Variants in STAT2 observed in about 807,000 individuals in gnomAD.
STAT2 encodes signal transducer and activator of transcription 2.
STAT2 carries 51 observed loss-of-function variants against 122.3 expected under a neutral mutation model. The ratio of observed to expected loss-of-function variants is 0.42; its 90% CI spans 0.33 to 0.53. The LOEUF (loss-of-function observed/expected upper bound fraction) is 0.53. Among genes scored for constraint, STAT2 ranks in the 20% least tolerant of loss-of-function variants. The probability of loss-of-function intolerance (pLI) is 0.10; values close to 1 mark genes in which losing one functional copy is unlikely to be tolerated. For missense variants in STAT2, 736 were observed against 1,010.3 expected (o/e 0.73, Z 3.68); for synonymous variants, 351 against 394.9 (o/e 0.89, Z 1.32).
chr12:56,350,903 G>C lies in STAT2; in HGVS notation c.1035-15C>G, dbSNP rs374901544. ...TCACCAGCAGCCTGGGGGAAGGAAG[G>C]GGGATAGGGGAAAGTGGTCAACCTC... On this transcript the variant is annotated splice_polypyrimidine_tract_variant and intron_variant, in intron 10 of 23. Transcript: ENST00000314128. 1.2e-5 allele frequency: 19 copies of C among 1,613,972 alleles called. No homozygotes were observed. The highest frequency in any genetic ancestry group is 1.7e-5 in the Admixed American group (1 of 60,000).
At chr12:56,345,177 A>G (rs1289203438) in intron 22 of STAT2, among the ~76,000 whole-genome samples, 2 of 147,248 alleles carry the variant, frequency 1.4e-5, no homozygotes, top group Admixed American at 6.8e-5. Context: ...TGTCTCAAAA[A>G]AAAAAAAAAA....
intron 12 of STAT2, 107 bp downstream of exon 12, chr12:56,350,305 A>C: frequency 6.9e-7 from 1 of 1,449,840 alleles, no homozygotes; most frequent in South Asian, 1.2e-5. Context: ...CCCTTTGTCC[A>C]TATCCCAAAT....
chr12:56,347,235 C>T (rs1343999219), intron 19 of STAT2, among the ~76,000 whole-genome samples: 1 of 151,888 alleles, frequency 6.6e-6, no homozygotes, highest in Admixed American at 6.6e-5. Flanking sequence ...GTCACCCAGG[C>T]TGGAGAATAG....
intron 19 of STAT2, 115 bp downstream of exon 19, chr12:56,348,414 C>A: frequency 2.0e-6 from 2 of 1,023,250 alleles, no homozygotes; most frequent in South Asian, 1.4e-5. Flanking sequence ...TGTGAGGAGA[C>A]GTGGCCTGCA....
intron 8 of STAT2, among the ~76,000 whole-genome samples, chr12:56,353,171 A>T (rs925201028): frequency 6.6e-6 from 1 of 152,132 alleles, no homozygotes; most frequent in Non-Finnish European, 1.5e-5. Context: ...TTTAGTAGAG[A>T]TGGGGTTTCA....
intron 22 of STAT2, among the ~76,000 whole-genome samples, chr12:56,345,539 G>GCA (rs1877313185): frequency 1.4e-5 from 1 of 70,856 alleles, no homozygotes; most frequent in East Asian, 5.4e-4. Context: ...ATATATATGC[G>GCA]GGGTGTGGTG....
At chr12:56,349,348 A>G in intron 15 of STAT2, 78 bp downstream of exon 15, 1 of 1,614,050 alleles carries the variant, frequency 6.2e-7, no homozygotes, top group African/African-American at 1.3e-5. Flanking sequence ...AACCCACCCC[A>G]AGAGGCTTCT....
intron 1 of STAT2, 28 bp downstream of exon 1, chr12:56,360,030 C>A (rs1161705706): frequency 1.0e-6 from 1 of 984,942 alleles, no homozygotes; most frequent in Non-Finnish European, 1.2e-6. Flanking sequence ...CCCACCCCTA[C>A]CCCAGCACAC....
intron 22 of STAT2, among the ~76,000 whole-genome samples, chr12:56,345,524 A>AAAAATAT (rs1555169410): frequency 1.5e-4 from 4 of 26,250 alleles, no homozygotes; most frequent in Admixed American, 5.4e-4. Context: ...AAAAAAAAAA[A>AAAAATAT]ATATATATAT....
At chr12:56,354,016 A>AAAAAAAAAATATATATATATATAT (rs71081350) in intron 8 of STAT2, among the ~76,000 whole-genome samples, 1 of 16,698 alleles carries the variant, frequency 6.0e-5, no homozygotes, top group African/African-American at 1.1e-4. Context: ...AAAAAAAAAA[A>AAAAAAAAAATATATATATATATAT]ATATATATAT....
intron 14 of STAT2, 21 bp from the exon 15 acceptor site, chr12:56,349,530 G>C (rs1011913444): frequency 6.2e-7 from 1 of 1,614,166 alleles, no homozygotes. Flanking sequence ...CAAAGACATA[G>C]TCATCAGAAG....
At chr12:56,350,301 G>C in intron 12 of STAT2, 111 bp from the exon 13 acceptor site, 1 of 1,438,110 alleles carries the variant, frequency 7.0e-7, no homozygotes, top group Non-Finnish European at 9.6e-7. Flanking sequence ...ATCTCCCTTT[G>C]TCCATATCCC....
intron 8 of STAT2, 108 bp from the exon 9 acceptor site, chr12:56,351,558 G>A (rs1421025108): frequency 5.0e-6 from 6 of 1,194,826 alleles, no homozygotes; most frequent in African/African-American, 1.5e-5. Context: ...CTGACTGGGG[G>A]GAAGAAAAAA....
rs374561860 is a variant in STAT2, at chr12:56,351,304, C to T, written c.929G>A (p.Arg310His). 22 of 1,613,888 alleles carry T rather than the reference C, an allele frequency of 1.4e-5. No homozygotes were observed. The highest frequency in any genetic ancestry group is 2.7e-5 in the African/African-American group (2 of 74,920). ...RNAQVTELLQ[R>H]LLHRAFVVET... The stretch of plus-strand genomic sequence containing the variant: ...CTGGCCTCTAGACCTGTGGAGCAGA[C>T]GCTGTAGCAACTCTGTGACCTGGGC... The change falls in exon 9 of 24, where the codon CGT (arginine) becomes CAT (histidine). Residue 310 changes from arginine to histidine, a missense_variant. By Grantham distance (29) the Arg-to-His change is conservative (BLOSUM62 0). Coordinates refer to ENST00000314128, the MANE Select transcript of STAT2 (RefSeq NM_005419.4).
chr12:56,346,590 C>T lies in STAT2; in HGVS notation c.1896G>A (p.Thr632=), dbSNP rs749900999. 25 of 1,614,062 alleles carry T rather than the reference C, an allele frequency of 1.5e-5. No homozygotes were observed. In the Admixed American group the frequency reaches 2.0e-4, roughly 13 times the overall value. Reference sequence around the variant, plus strand: ...GCGGGAGTGACTGCAGCACCTCCTTCGTGTACGGTTGCACAGAGTAGATGA... The same window carrying T: ...GCGGGAGTGACTGCAGCACCTCCTTTGTGTACGGTTGCACAGAGTAGATGA... The part of the protein sequence containing the change: ...KVLIYSVQPY[T]KEVLQSLPLT... Residue 632 remains threonine (T), a synonymous_variant, in exon 21 of 24, where the codon ACG becomes ACA. Coordinates refer to ENST00000314128, the MANE Select transcript of STAT2 (RefSeq NM_005419.4).
At chr12:56,356,736 C>G (rs1289375425) in intron 1 of STAT2, among the ~76,000 whole-genome samples, 158 bp from the exon 2 acceptor site, 1 of 152,172 alleles carries the variant, frequency 6.6e-6, no homozygotes, top group African/African-American at 2.4e-5. Context: ...TACTGCTAAT[C>G]TTGGTTCTTT....
chr12:56,349,280 TCA>T lies in STAT2; in HGVS notation c.1342-21_1342-20del. On this transcript the variant is annotated intron_variant, in intron 15 of 23. Coordinates refer to ENST00000314128, the MANE Select transcript of STAT2 (RefSeq NM_005419.4). ...TGTCCGTCTGGGGAGAAGACAGGAG[TCA>T]CAGAGAGGGATGTGATGTTTCTAGC... is the stretch of plus-strand genomic sequence containing the variant. 6.2e-7 allele frequency: 1 copy of T among 1,613,618 alleles called. No individual in the cohort carries two copies. The highest frequency in any genetic ancestry group is 1.1e-5 in the South Asian group (1 of 91,044).
In STAT2 at chr12:56,349,412, C is replaced by T. The variant is rs775248155; in HGVS notation, c.1341+14G>A. 14 of 1,614,074 alleles carry T rather than the reference C, an allele frequency of 8.7e-6. No homozygotes were observed. The highest frequency in any genetic ancestry group is 2.7e-5 in the African/African-American group (2 of 74,918). On this transcript the variant is annotated intron_variant, in intron 15 of 23. Transcript: ENST00000314128. Reference sequence around the variant, plus strand: ...AAGCTGCTTTCTCTCTCCTTGCCCTCCATTTTCACTCACTTTCAGCTCCTG... The same window carrying T: ...AAGCTGCTTTCTCTCTCCTTGCCCTTCATTTTCACTCACTTTCAGCTCCTG...
intron 22 of STAT2, among the ~76,000 whole-genome samples, chr12:56,344,980 C>A (rs558952702): frequency 1.1e-4 from 16 of 150,360 alleles, no homozygotes; most frequent in African/African-American, 3.7e-4. Context: ...TGCACTCCAG[C>A]CTGGGCAACA....
Sources: allele counts gnomAD v4.1 joint callset (sites outside exome capture counted in the v4.1 genomes callset), GRCh38; gene constraint gnomAD v4.1.1; transcripts MANE v1.5; gene names NCBI Gene and HGNC (gene_info 2026-07-23, HGNC 2026-07-21).